Variants in PPFIBP2 observed in about 807,000 individuals in gnomAD.
PPFIBP2 encodes PPFIB scaffold protein 2.
Under a neutral mutation model 118.3 loss-of-function variants are expected in PPFIBP2, and 118 were observed. The observed-to-expected ratio is 1.00, with a 90% confidence interval of 0.86 to 1.16. The LOEUF is 1.16. Ranked by LOEUF, PPFIBP2 falls within the 50% of genes most tolerant of loss-of-function variation. The pLI is 0.00. For missense variants in PPFIBP2, 1,195 were observed against 1,073.1 expected, an observed-to-expected ratio of 1.11 and a Z score of -1.59; for synonymous variants, 414 against 397.4, an observed-to-expected ratio of 1.04 and a Z score of -0.50.
At chr11:7,578,743 G>A (rs1856815087) in intron 3 of PPFIBP2, among the ~76,000 whole-genome samples, 1 of 152,140 alleles carries the variant, frequency 6.6e-6, no homozygotes, top group South Asian at 2.1e-4. Context: ...GGAGTTTGAG[G>A]AAATTATACT....
intron 15 of PPFIBP2, chr11:7,641,134 T>C (rs2135894321): frequency 8.4e-7 from 1 of 1,189,316 alleles, no homozygotes; most frequent in East Asian, 5.3e-5. Context: ...ACCCTCCCCT[T>C]CACCAGCACT....
chr11:7,521,496 C>T (rs1483500431), intron 1 of PPFIBP2, among the ~76,000 whole-genome samples: 1 of 152,208 alleles, frequency 6.6e-6, no homozygotes, highest in Non-Finnish European at 1.5e-5. Context: ...GCCCTTTTGT[C>T]TCTATTCTGC....
chr11:7,542,315 C>T (rs1851874270), intron 1 of PPFIBP2, among the ~76,000 whole-genome samples: 1 of 152,222 alleles, frequency 6.6e-6, no homozygotes, highest in African/African-American at 2.4e-5. Flanking sequence ...TATATGGTAA[C>T]TAAAGAGGAG....
At chr11:7,522,848 G>A (rs1358534894) in intron 1 of PPFIBP2, among the ~76,000 whole-genome samples, 1 of 152,128 alleles carries the variant, frequency 6.6e-6, no homozygotes, top group South Asian at 2.1e-4. Context: ...CTCAATGTGG[G>A]CACGTGTATT....
intron 17 of PPFIBP2, among the ~76,000 whole-genome samples, chr11:7,646,522 T>TA (rs2135961222): frequency 6.6e-6 from 1 of 152,318 alleles, no homozygotes; most frequent in South Asian, 2.1e-4. Context: ...GTTGTGGACA[T>TA]ACAAAGAAGC....
chr11:7,665,318 A>G, the PPFIBP2 span: 11 of 1,383,142 alleles, frequency 8.0e-6, no homozygotes, highest in Non-Finnish European at 1.1e-5. Context: ...GTGAAATTGA[A>G]CTTACTCTGA....
downstream of PPFIBP2, chr11:7,653,854 C>T (rs1854429324): frequency 8.9e-7 from 1 of 1,126,722 alleles, no homozygotes; most frequent in Non-Finnish European, 1.1e-6. Context: ...GAGCCGGTGG[C>T]ACTGAGCCTA....
intron 5 of PPFIBP2, chr11:7,605,617 G>A (rs558637766): frequency 2.3e-6 from 2 of 865,166 alleles, no homozygotes; most frequent in Non-Finnish European, 2.9e-6. Flanking sequence ...ATTTTCTGCT[G>A]TGGTATGAAT....
rs1310722401 is a variant in PPFIBP2 at position 7,631,366 on chromosome 11, A to C, written c.1068+338A>C. On this transcript the variant is annotated intron_variant, in intron 11 of 23. Transcript: ENST00000299492. Reference sequence around the variant, plus strand: ...TGATTTATCTACCACCCTTTCTCCAAGGTCTGCAGTAATGCCCGATACCCA... The same window carrying C: ...TGATTTATCTACCACCCTTTCTCCACGGTCTGCAGTAATGCCCGATACCCA... 1.3e-5 allele frequency: 3 copies of C among 224,310 alleles called. No homozygotes were observed. In the East Asian group the frequency reaches 2.8e-4, roughly 21 times the overall value. 13.9% of individuals were successfully genotyped at this position (224,310 alleles called of 1,614,324 possible).
chr11:7,618,894 T>G (rs1432811190), intron 6 of PPFIBP2, among the ~76,000 whole-genome samples: 2 of 151,296 alleles, frequency 1.3e-5, no homozygotes, highest in Non-Finnish European at 2.9e-5. Context: ...AGTTTTTTTT[T>G]TTTTTTTTTT....
At chr11:7,629,647 C>T (rs1850498462) in intron 10 of PPFIBP2, 113 bp downstream of exon 10, 9 of 1,020,954 alleles carry the variant, frequency 8.8e-6, no homozygotes, top group Non-Finnish European at 1.4e-5. Context: ...AGAAGACTCC[C>T]TACTGGAGAA....
chr11:7,535,755 G>A (rs879449750), intron 1 of PPFIBP2, among the ~76,000 whole-genome samples: 1 of 152,172 alleles, frequency 6.6e-6, no homozygotes, highest in Admixed American at 6.5e-5. Context: ...CAGGTGAGAG[G>A]AGGTTCTCCA....
rs1853531297 is a variant in PPFIBP2 at position 7,648,787 on chromosome 11, C to G, written c.1798-13C>G. 1 of 1,612,150 alleles carries G rather than the reference C, an allele frequency of 6.2e-7. No homozygotes were observed. Among genetic ancestry groups the G allele is most frequent in the Non-Finnish European group, 8.5e-7 (1 of 1,178,458 alleles). ...CCAAAATTTCACATGTGGTCTTCAT[C>G]TTTTAATTTCAGGAGCTAGGAATTA... On this transcript the variant is annotated splice_polypyrimidine_tract_variant and intron_variant, in intron 18 of 23. Transcript: ENST00000299492.
At chr11:7,646,049 A>G (rs1853002884) in intron 17 of PPFIBP2, among the ~76,000 whole-genome samples, 1 of 152,248 alleles carries the variant, frequency 6.6e-6, no homozygotes, top group Non-Finnish European at 1.5e-5. Flanking sequence ...CAAAAGCAGT[A>G]ATTTGCTAAG....
At chr11:7,514,551 A>G (rs1432936124) in intron 1 of PPFIBP2, among the ~76,000 whole-genome samples, 1 of 152,190 alleles carries the variant, frequency 6.6e-6, no homozygotes, top group African/African-American at 2.4e-5. Context: ...AGCCCAGGCA[A>G]TTCTCTGGTG....
At chr11:7,593,562 C>T (rs1308819809) in intron 4 of PPFIBP2, among the ~76,000 whole-genome samples, 3 of 152,072 alleles carry the variant, frequency 2.0e-5, no homozygotes, top group Non-Finnish European at 2.9e-5. Flanking sequence ...CTGAGTCTTG[C>T]GAGGGAGGGG....
At position 7,642,323 on chromosome 11, in the gene PPFIBP2, T is replaced by G. The variant is rs1852308864; in HGVS notation, c.1543T>G (p.Phe515Val). The G allele has an allele frequency of 6.2e-7, 1 of 1,614,102 alleles. No individual in the cohort carries two copies. Among genetic ancestry groups the G allele is most frequent in the Non-Finnish European group, 8.5e-7 (1 of 1,179,988 alleles). The change falls in exon 17 of 24, where the codon TTC (phenylalanine) becomes GTC (valine). Residue 515 changes from phenylalanine to valine, a missense_variant. Transcript: ENST00000299492. ...GKIRRTQSGN[F>V]YTDTLGMAEF... is the part of the protein sequence containing the mutation. ...AATCCGAAGAACTCAGTCAGGAAAT[T>G]TCTACACTGACACGCTGGGGATGGC...
chr11:7,525,368 A>G (rs1408194687), intron 1 of PPFIBP2, among the ~76,000 whole-genome samples: 1 of 152,166 alleles, frequency 6.6e-6, no homozygotes, highest in African/African-American at 2.4e-5. Flanking sequence ...TTGGCACATC[A>G]TAGGTAGTCA....
At chr11:7,632,687 T>G (rs1461568644) in intron 11 of PPFIBP2, 180 bp from the exon 12 acceptor site, 1 of 544,048 alleles carries the variant, frequency 1.8e-6, no homozygotes, top group East Asian at 3.4e-5. Context: ...GATGGACTGA[T>G]AAGCCTACCA....
Sources: allele counts gnomAD v4.1 joint callset (sites outside exome capture counted in the v4.1 genomes callset), GRCh38; gene constraint gnomAD v4.1.1; transcripts MANE v1.5; gene names NCBI Gene and HGNC (gene_info 2026-07-23, HGNC 2026-07-21).